Variants in RPS6KC1 observed in about 807,000 individuals in gnomAD.
The protein encoded by RPS6KC1 is inactive ribosomal protein S6 kinase delta-1.
Under a neutral mutation model 103.8 loss-of-function variants are expected in RPS6KC1, and 54 were observed. The observed-to-expected ratio is 0.52, with a 90% CI of 0.42 to 0.65. The LOEUF (loss-of-function observed/expected upper bound fraction) is 0.65, where lower values mean the gene tolerates loss of function less well. RPS6KC1 is among the 30% of genes least tolerant of loss of function. RPS6KC1 has a pLI of 0.00. For missense variants in RPS6KC1, 1,151 were observed against 1,253.8 expected, an observed-to-expected ratio of 0.92 and a Z score of 1.24; for synonymous variants, 439 against 438.7, an observed-to-expected ratio of 1.00 and a Z score of -0.01.
At chr1:213,302,834 T>A in the RPS6KC1 span, among the ~76,000 whole-genome samples, 1,644 of 152,320 alleles carry the variant, frequency 0.011, 33 homozygotes, top group African/African-American at 0.037. Flanking sequence ...ATTCAGGAGC[T>A]TATTTTTGTA....
the RPS6KC1 span, among the ~76,000 whole-genome samples, chr1:213,718,791 G>A: frequency 8.7e-3 from 1,327 of 152,276 alleles, 28 homozygotes; most frequent in East Asian, 0.076. Flanking sequence ...ACTTGCATGT[G>A]AATCATCTGG....
the RPS6KC1 span, among the ~76,000 whole-genome samples, chr1:213,373,090 A>G: frequency 6.6e-6 from 1 of 152,210 alleles, no homozygotes; most frequent in Non-Finnish European, 1.5e-5. Flanking sequence ...AATTATCACA[A>G]TATCTAATCC....
At chr1:213,257,627 A>G (rs2094679216) in intron 12 of RPS6KC1, among the ~76,000 whole-genome samples, 1 of 152,112 alleles carries the variant, frequency 6.6e-6, no homozygotes, top group Non-Finnish European at 1.5e-5. Context: ...GCAGCCAGGA[A>G]ATGGTAGCTG....
At chr1:213,631,013 G>A in the RPS6KC1 span, among the ~76,000 whole-genome samples, 3 of 152,192 alleles carry the variant, frequency 2.0e-5, no homozygotes, top group Non-Finnish European at 2.9e-5. Context: ...TCTGAGCCAG[G>A]TGTGGGATAT....
the RPS6KC1 span, among the ~76,000 whole-genome samples, chr1:213,708,398 CTT>C: frequency 6.6e-6 from 1 of 152,120 alleles, no homozygotes; most frequent in South Asian, 2.1e-4. Context: ...TATCCTGAGA[CTT>C]TGCTGAAGTT....
chr1:213,789,886 G>A, the RPS6KC1 span, among the ~76,000 whole-genome samples: 9 of 152,272 alleles, frequency 5.9e-5, no homozygotes, highest in African/African-American at 2.2e-4. Flanking sequence ...TTTGCTACTT[G>A]TGACTATTAA....
rs565598517 is a variant in RPS6KC1, at chr1:213,245,975, G to A, written c.2911+3317G>A. On this transcript the variant is annotated intron_variant, in intron 12 of 14. Transcript: ENST00000366960. The stretch of plus-strand genomic sequence containing the variant: ...TCACAAGTTTCTATAACAAAACTGA[G>A]AACTTTTAAAAAAGTTGCCACTTTT... 2.0e-5 allele frequency among the ~76,000 whole-genome samples: 3 copies of A among 152,188 alleles called. No individual in the cohort carries two copies. In the South Asian group the frequency reaches 6.2e-4, roughly 32 times the overall value.
At chr1:213,643,350 T>G in the RPS6KC1 span, among the ~76,000 whole-genome samples, 1 of 151,958 alleles carries the variant, frequency 6.6e-6, no homozygotes, top group African/African-American at 2.4e-5. Context: ...TTAATGAAGG[T>G]TTTGCATACA....
the RPS6KC1 span, among the ~76,000 whole-genome samples, chr1:213,597,606 A>G: frequency 6.6e-6 from 1 of 152,130 alleles, no homozygotes; most frequent in Non-Finnish European, 1.5e-5. Context: ...GGAAGGGGAA[A>G]CCGAAGATCA....
chr1:213,500,104 T>A, the RPS6KC1 span, among the ~76,000 whole-genome samples: 3 of 152,246 alleles, frequency 2.0e-5, no homozygotes, highest in African/African-American at 7.2e-5. Flanking sequence ...TCAAAACTTT[T>A]AAATTTTTTA....
chr1:213,232,390 C>A, intron 10 of RPS6KC1, 135 bp downstream of exon 10: 2 of 1,086,702 alleles, frequency 1.8e-6, no homozygotes, highest in Non-Finnish European at 2.7e-6. Flanking sequence ...CTCTGCTCTA[C>A]CTCCCTACTT....
At chr1:213,323,951 C>T in the RPS6KC1 span, among the ~76,000 whole-genome samples, 2 of 152,192 alleles carry the variant, frequency 1.3e-5, no homozygotes, top group Non-Finnish European at 2.9e-5. Context: ...ATGTACCCAC[C>T]ATTATAGTAT....
At chr1:213,310,411 T>G in the RPS6KC1 span, among the ~76,000 whole-genome samples, 1 of 152,064 alleles carries the variant, frequency 6.6e-6, no homozygotes, top group Non-Finnish European at 1.5e-5. Flanking sequence ...CTCAATTCCC[T>G]TAGCACGCTT....
At chr1:213,431,604 CA>C in the RPS6KC1 span, among the ~76,000 whole-genome samples, 4 of 151,474 alleles carry the variant, frequency 2.6e-5, no homozygotes, top group African/African-American at 4.9e-5. Context: ...TAGCGTATGG[CA>C]GTTATTTTGT....
the RPS6KC1 span, among the ~76,000 whole-genome samples, chr1:213,429,657 C>T: frequency 4.6e-5 from 7 of 152,178 alleles, no homozygotes; most frequent in Non-Finnish European, 8.8e-5. Context: ...CAAAGCAACT[C>T]TATGATGAAT....
the RPS6KC1 span, among the ~76,000 whole-genome samples, chr1:213,486,506 G>A: frequency 1.3e-5 from 2 of 151,400 alleles, no homozygotes; most frequent in Non-Finnish European, 3.0e-5. Flanking sequence ...GAGAGCAGGT[G>A]TCAGCAGCTG....
intron 12 of RPS6KC1, among the ~76,000 whole-genome samples, chr1:213,258,467 A>G (rs1005958053): frequency 1.1e-4 from 17 of 152,250 alleles, no homozygotes; most frequent in Non-Finnish European, 1.9e-4. Context: ...GGAAAAACTG[A>G]TTTTAGCTTC....
the RPS6KC1 span, among the ~76,000 whole-genome samples, chr1:213,623,261 T>C: frequency 3.9e-5 from 6 of 152,314 alleles, no homozygotes; most frequent in East Asian, 5.8e-4. Flanking sequence ...GTCAACAGCA[T>C]TGACTGAAGG....
chr1:213,664,190 A>AGTGGG, the RPS6KC1 span, among the ~76,000 whole-genome samples: 1 of 7,948 alleles, frequency 1.3e-4, no homozygotes, highest in Admixed American at 1.8e-3. Flanking sequence ...GAAAGAAATG[A>AGTGGG]GCGGGGGGGC....
Sources: gnomAD v4.1 joint callset for allele counts (sites outside exome capture counted in the v4.1 genomes callset) on GRCh38, gnomAD v4.1.1 for gene constraint, MANE v1.5 for transcripts, NCBI Gene and HGNC (gene_info 2026-07-23, HGNC 2026-07-21) for gene names.